SPOCK1: variants seen among roughly 807,000 people sequenced by gnomAD.
The protein encoded by SPOCK1 is testican-1.
A neutral mutation model predicts 55.3 loss-of-function variants in SPOCK1; 23 were observed. The ratio of observed to expected loss-of-function variants is 0.42; its 90% CI spans 0.30 to 0.59. The LOEUF (loss-of-function observed/expected upper bound fraction) is 0.59. SPOCK1 is among the 20% of genes least tolerant of loss of function. The probability of loss-of-function intolerance (pLI) is 0.22; values close to 1 mark genes in which losing one functional copy is unlikely to be tolerated. For synonymous variants in SPOCK1, 226 were observed against 221.0 expected (o/e 1.02, Z -0.20); for missense variants, 499 against 552.5 (o/e 0.90, Z 0.97).
At chr5:137,394,034 C>T (rs1751787178) in intron 2 of SPOCK1, among the ~76,000 whole-genome samples, 1 of 152,030 alleles carries the variant, frequency 6.6e-6, no homozygotes, top group Admixed American at 6.6e-5. Flanking sequence ...ATAAATCCTT[C>T]AAAATGAAGG....
intron 6 of SPOCK1, among the ~76,000 whole-genome samples, chr5:137,054,453 G>C (rs1752265872): frequency 6.6e-6 from 1 of 152,224 alleles, no homozygotes; most frequent in Non-Finnish European, 1.5e-5. Context: ...AGGTCAGGGG[G>C]ACAGGAGTCT....
Position 136,976,509 on chromosome 5 carries a change from T to C in SPOCK1, c.*2145A>G, listed in dbSNP as rs1425144233. On this transcript the variant is annotated 3_prime_UTR_variant, in exon 11 of 11. Transcript: ENST00000394945. ...AATCAATTTTTCAATTTTAATTTGT[T>C]CTCTTGTACATTTTCCTAAGCTCAA... is the stretch of plus-strand genomic sequence containing the variant. 6.6e-6 allele frequency: 1 copy of C among 152,654 alleles called. No homozygotes were observed. The highest frequency in any genetic ancestry group is 2.4e-5 in the African/African-American group (1 of 41,458). 9.5% of individuals were successfully genotyped at this position (152,654 alleles called of 1,614,324 possible).
intron 3 of SPOCK1, among the ~76,000 whole-genome samples, chr5:137,143,248 G>C (rs1337503865): frequency 2.6e-5 from 4 of 152,184 alleles, no homozygotes; most frequent in African/African-American, 7.2e-5. Context: ...GGTTGGCCTA[G>C]GGTGATGGGT....
chr5:137,206,026 A>G (rs1241572904), intron 3 of SPOCK1, among the ~76,000 whole-genome samples: 12 of 152,188 alleles, frequency 7.9e-5, no homozygotes. Context: ...AGGCAGGCAG[A>G]TCAGAAAACA....
At chr5:137,414,856 A>G (rs1752295808) in intron 2 of SPOCK1, among the ~76,000 whole-genome samples, 2 of 152,108 alleles carry the variant, frequency 1.3e-5, no homozygotes, top group Non-Finnish European at 2.9e-5. Context: ...GATAATCCCA[A>G]GTATGTCCCC....
At chr5:137,162,265 C>G (rs1481176113) in intron 3 of SPOCK1, among the ~76,000 whole-genome samples, 2 of 151,682 alleles carry the variant, frequency 1.3e-5, no homozygotes. Context: ...ATTCTCCCGA[C>G]TAGCTGGGGC....
At chr5:137,265,821 G>A (rs1756837147) in intron 3 of SPOCK1, among the ~76,000 whole-genome samples, 1 of 152,082 alleles carries the variant, frequency 6.6e-6, no homozygotes, top group Non-Finnish European at 1.5e-5. Flanking sequence ...GCCATTAACA[G>A]ATCCCACCAC....
intron 2 of SPOCK1, among the ~76,000 whole-genome samples, chr5:137,429,644 G>A (rs1253841344): frequency 6.6e-6 from 1 of 152,214 alleles, no homozygotes; most frequent in East Asian, 1.9e-4. Flanking sequence ...GCCTAGAAAA[G>A]GAAAGGGGAT....
chr5:137,259,584 C>A (rs1756706191), intron 3 of SPOCK1, among the ~76,000 whole-genome samples: 1 of 151,336 alleles, frequency 6.6e-6, no homozygotes, highest in Non-Finnish European at 1.5e-5. Flanking sequence ...CACATGTATA[C>A]CTATGTAACA....
chr5:137,307,496 A>C (rs1757718032), intron 2 of SPOCK1, among the ~76,000 whole-genome samples: 2 of 152,068 alleles, frequency 1.3e-5, no homozygotes, highest in South Asian at 4.2e-4. Context: ...TTCTCTTCTC[A>C]CCATTTTTTT....
intron 2 of SPOCK1, among the ~76,000 whole-genome samples, chr5:137,409,012 TC>T (rs913684634): frequency 6.6e-5 from 10 of 152,150 alleles, no homozygotes; most frequent in African/African-American, 2.2e-4. Context: ...CCAAACCCCT[TC>T]CCCAAACACA....
chr5:137,178,089 C>T (rs1754891414), intron 3 of SPOCK1, among the ~76,000 whole-genome samples: 2 of 152,190 alleles, frequency 1.3e-5, no homozygotes, highest in African/African-American at 4.8e-5. Context: ...CACCCCTAGC[C>T]CATCTCACCA....
intron 2 of SPOCK1, among the ~76,000 whole-genome samples, chr5:137,409,923 G>A (rs1247122212): frequency 2.0e-5 from 3 of 152,220 alleles, no homozygotes; most frequent in Non-Finnish European, 4.4e-5. Context: ...GCATTTACCA[G>A]CTACCTCCTA....
intron 2 of SPOCK1, among the ~76,000 whole-genome samples, chr5:137,426,372 T>C (rs1752612468): frequency 6.6e-6 from 1 of 152,220 alleles, no homozygotes; most frequent in African/African-American, 2.4e-5. Context: ...ACACCCAATG[T>C]GAACGCACAC....
chr5:137,498,693 G>T, intron 1 of SPOCK1, 135 bp from the exon 2 acceptor site: 1 of 564,844 alleles, frequency 1.8e-6, no homozygotes, highest in South Asian at 8.4e-5. Flanking sequence ...CGCACCTGGG[G>T]CGCCTGTCGC....
At chr5:137,338,697 T>C (rs1455234563) in intron 2 of SPOCK1, among the ~76,000 whole-genome samples, 2 of 151,784 alleles carry the variant, frequency 1.3e-5, no homozygotes, top group Admixed American at 1.3e-4. Flanking sequence ...CCTGACTTTT[T>C]AATGATCGCC....
At chr5:137,057,516 CAG>C (rs1270031989) in intron 6 of SPOCK1, among the ~76,000 whole-genome samples, 4 of 152,174 alleles carry the variant, frequency 2.6e-5, no homozygotes, top group Non-Finnish European at 4.4e-5. Context: ...GGTTTTCAAA[CAG>C]AGAATCATCA....
chr5:137,266,333 C>T (rs1353693796), intron 3 of SPOCK1, among the ~76,000 whole-genome samples: 1 of 152,186 alleles, frequency 6.6e-6, no homozygotes, highest in Non-Finnish European at 1.5e-5. Context: ...AACAGCACCA[C>T]ACATGGAACA....
intron 2 of SPOCK1, among the ~76,000 whole-genome samples, chr5:137,364,364 A>C (rs565025058): frequency 1.3e-4 from 20 of 152,298 alleles, no homozygotes; most frequent in Admixed American, 1.3e-3. Context: ...CTTAACACTC[A>C]AATTACGAGT....
Sources: allele counts gnomAD v4.1 joint callset (sites outside exome capture counted in the v4.1 genomes callset), GRCh38; gene constraint gnomAD v4.1.1; transcripts MANE v1.5; gene names NCBI Gene and HGNC (gene_info 2026-07-23, HGNC 2026-07-21).